The following NUP210L variants were observed in gnomAD, a reference collection of about 807,000 sequenced individuals.
NUP210L encodes nucleoporin 210 like, also known as nuclear pore membrane glycoprotein 210-like.
A neutral mutation model predicts 208.5 loss-of-function variants in NUP210L; 74 were observed. The ratio of observed to expected loss-of-function variants is 0.35; its 90% CI spans 0.29 to 0.43. The LOEUF is 0.43. Among genes scored for constraint, NUP210L ranks in the 20% least tolerant of loss-of-function variants. The pLI is 1.00. For synonymous variants in NUP210L, 780 were observed against 816.9 expected, an observed-to-expected ratio of 0.95 and a Z score of 0.77; for missense variants, 1,843 against 2,289.4, an observed-to-expected ratio of 0.81 and a Z score of 3.98.
intron 37 of NUP210L, among the ~76,000 whole-genome samples, chr1:153,996,217 G>A (rs560061386): frequency 2.4e-4 from 37 of 152,058 alleles, no homozygotes; most frequent in Non-Finnish European, 4.4e-4. Context: ...GCGTGAACCC[G>A]GGAGGCGGAG....
chr1:154,112,494 A>C (rs568374363), intron 12 of NUP210L, among the ~76,000 whole-genome samples: 1 of 152,172 alleles, frequency 6.6e-6, no homozygotes, highest in African/African-American at 2.4e-5. Flanking sequence ...GATGTGATGG[A>C]TACTCCGTTT....
chr1:154,113,820 G>A (rs539779347), intron 12 of NUP210L, among the ~76,000 whole-genome samples: 17 of 129,038 alleles, frequency 1.3e-4, no homozygotes, highest in African/African-American at 4.4e-4. Context: ...ATCTGGCCAC[G>A]GCACTCCAGC....
At chr1:154,022,179 A>C in exon 32 of NUP210L, 1 of 1,614,150 alleles carries the variant, frequency 6.2e-7, no homozygotes, top group Non-Finnish European at 8.5e-7. Context: ...AACAAAGGTA[A>C]GCTTGGTGTC....
intron 35 of NUP210L, among the ~76,000 whole-genome samples, chr1:154,004,430 C>T (rs1046883384): frequency 2.7e-5 from 4 of 149,308 alleles, no homozygotes; most frequent in Admixed American, 2.7e-4. Flanking sequence ...TGCAGTGGTG[C>T]GATCTCAGCT....
At chr1:154,119,498 G>T (rs554949139) in intron 10 of NUP210L, among the ~76,000 whole-genome samples, 1 of 152,268 alleles carries the variant, frequency 6.6e-6, no homozygotes, top group Non-Finnish European at 1.5e-5. Context: ...TGAGACAGGA[G>T]AATTGCTTGA....
At chr1:154,136,420 C>G (rs1242756964) in intron 6 of NUP210L, among the ~76,000 whole-genome samples, 1 of 151,602 alleles carries the variant, frequency 6.6e-6, no homozygotes, top group East Asian at 1.9e-4. Flanking sequence ...CCATTGCACT[C>G]TAGCCTGGGC....
chr1:153,997,262 CTTTT>C (rs11358509), intron 37 of NUP210L, among the ~76,000 whole-genome samples: 14 of 143,710 alleles, frequency 9.7e-5, no homozygotes, highest in Admixed American at 9.7e-4. Flanking sequence ...TCGCGCTGGC[CTTTT>C]TTTTTTTTTT....
intron 35 of NUP210L, among the ~76,000 whole-genome samples, chr1:154,008,914 A>AT (rs35252794): frequency 0.15 from 22,173 of 144,708 alleles, 1,985 homozygotes; most frequent in East Asian, 0.5. Context: ...TATACCTTAC[A>AT]TTTTTTTTTT....
chr1:154,113,857 C>CAAAAAAA (rs11298820), intron 12 of NUP210L, among the ~76,000 whole-genome samples: 1 of 40,682 alleles, frequency 2.5e-5, no homozygotes, highest in Non-Finnish European at 4.2e-5. Flanking sequence ...GACTCCATCT[C>CAAAAAAA]AAAAAAAAAA....
chr1:154,046,165 C>G, exon 27 of NUP210L: 1 of 1,614,020 alleles, frequency 6.2e-7, no homozygotes, highest in African/African-American at 1.3e-5. Flanking sequence ...AGAAAGGGGT[C>G]TGGGTACTGG....
intron 28 of NUP210L, among the ~76,000 whole-genome samples, chr1:154,028,582 G>A (rs191873769): frequency 5.9e-5 from 9 of 152,158 alleles, no homozygotes; most frequent in African/African-American, 1.9e-4. Flanking sequence ...GTGAAACTCT[G>A]TCTCAAAATA....
chr1:154,144,137 C>T (rs1239303731), intron 2 of NUP210L, among the ~76,000 whole-genome samples: 6 of 152,016 alleles, frequency 3.9e-5, no homozygotes, highest in South Asian at 2.1e-4. Flanking sequence ...GTCGAGATCA[C>T]GCCACTGCAC....
chr1:154,094,529 G>T (rs1411882168), intron 15 of NUP210L, among the ~76,000 whole-genome samples: 1 of 152,140 alleles, frequency 6.6e-6, no homozygotes, highest in Non-Finnish European at 1.5e-5. Context: ...ATTCGTATCA[G>T]TGTAGCTCTA....
chr1:154,126,313 TA>T lies in NUP210L; in HGVS notation c.1326+9del. The T allele has an allele frequency of 6.2e-7, 1 of 1,607,112 alleles. No individual in the cohort carries two copies. The highest frequency in any genetic ancestry group is 1.1e-5 in the South Asian group (1 of 89,712). ...TCTTAGAATACAAACACTGTCTGTT[TA>T]ATTCCTACCTGGTAAATGATGGAGG... On this transcript the variant is annotated intron_variant, in intron 10 of 39. Coordinates refer to ENST00000368559, the Ensembl canonical transcript of NUP210L.
At chr1:154,033,344 T>C (rs1240520630) in intron 27 of NUP210L, among the ~76,000 whole-genome samples, 1 of 152,190 alleles carries the variant, frequency 6.6e-6, no homozygotes, top group Non-Finnish European at 1.5e-5. Flanking sequence ...CTGGAGAGTT[T>C]CCCCAATGTT....
chr1:154,027,460 A>G (rs1451108266), intron 29 of NUP210L, 46 bp downstream of exon 29: 1 of 1,311,196 alleles, frequency 7.6e-7, no homozygotes. Flanking sequence ...TACTGAAAAT[A>G]CTTAAGCTTA....
chr1:154,142,746 G>A (rs1050465861), intron 3 of NUP210L, among the ~76,000 whole-genome samples: 4 of 151,928 alleles, frequency 2.6e-5, no homozygotes, highest in Non-Finnish European at 2.9e-5. Context: ...AAACATTAAC[G>A]GGTGTGGTGG....
At position 154,127,333 on chromosome 1, in the gene NUP210L, C is replaced by T. The variant is rs1658034108; in HGVS notation, c.1163G>A (p.Ser388Asn). 2.5e-6 allele frequency: 4 copies of T among 1,585,512 alleles called. No homozygotes were observed. In the South Asian group the frequency reaches 4.5e-5, roughly 18 times the overall value. ...CACATCTGAAATATAGACCTTTGTG[C>T]TGCTTTTATCAAAGACGTCTACTGT... Residue 388 changes from serine (S) to asparagine (N), a missense_variant, in exon 9 of 40, where the codon AGC becomes AAC. Coordinates refer to ENST00000368559, the Ensembl canonical transcript of NUP210L.
At chr1:154,135,865 T>A in exon 7 of NUP210L, 1 of 1,613,958 alleles carries the variant, frequency 6.2e-7, no homozygotes, top group South Asian at 1.1e-5. Flanking sequence ...GCAGTCACCA[T>A]GGCTGTTTTG....
Sources: allele counts gnomAD v4.1 joint callset (sites outside exome capture counted in the v4.1 genomes callset), GRCh38; gene constraint gnomAD v4.1.1; transcripts MANE v1.5; gene names NCBI Gene and HGNC (gene_info 2026-07-23, HGNC 2026-07-21).